Variants in SPTLC1 observed in about 807,000 individuals in gnomAD.
SPTLC1 encodes serine palmitoyltransferase 1.
Under a neutral mutation model 68.9 loss-of-function variants are expected in SPTLC1, and 55 were observed. The observed-to-expected ratio is 0.80, with a 90% CI of 0.64 to 1.00. The LOEUF (loss-of-function observed/expected upper bound fraction) is 1.00, where lower values mean the gene tolerates loss of function less well. Among genes scored for constraint, SPTLC1 ranks in the 50% least tolerant of loss-of-function variants. The pLI, the probability that SPTLC1 is intolerant of heterozygous loss-of-function variation, is 0.00. For synonymous variants in SPTLC1, 197 were observed against 201.6 expected, an observed-to-expected ratio of 0.98 and a Z score of 0.19; for missense variants, 449 against 573.1, an observed-to-expected ratio of 0.78 and a Z score of 2.21.
chr9:92,054,916 AG>A (rs200258602), intron 8 of SPTLC1, among the ~76,000 whole-genome samples: 9,909 of 150,026 alleles, frequency 0.066, 393 homozygotes, highest in Middle Eastern at 0.099. Context: ...CTTGCGGGGG[AG>A]AAAAAAAAAG....
intron 5 of SPTLC1, among the ~76,000 whole-genome samples, chr9:92,072,222 G>A (rs1013843320): frequency 6.6e-6 from 1 of 152,074 alleles, no homozygotes; most frequent in East Asian, 1.9e-4. Flanking sequence ...GACTTCCCTC[G>A]ACCTCAGGAC....
chr9:92,043,425 T>C (rs1833414360), intron 12 of SPTLC1, among the ~76,000 whole-genome samples: 1 of 152,206 alleles, frequency 6.6e-6, no homozygotes, highest in South Asian at 2.1e-4. Context: ...GACTTGTATA[T>C]CCAGCTGCTG....
At chr9:92,035,132 G>C (rs908337374) in intron 13 of SPTLC1, among the ~76,000 whole-genome samples, 1 of 152,212 alleles carries the variant, frequency 6.6e-6, no homozygotes, top group Admixed American at 6.5e-5. Context: ...CTGAGCACAC[G>C]GAGATATGGC....
intron 3 of SPTLC1, chr9:92,105,485 A>T (rs1410145006): frequency 1.2e-6 from 1 of 832,960 alleles, no homozygotes; most frequent in Non-Finnish European, 1.8e-6. Context: ...CGGGTGGATC[A>T]GGAGGTCAAG....
intron 3 of SPTLC1, 95 bp downstream of exon 3, chr9:92,108,645 A>C (rs771439048): frequency 1.9e-6 from 3 of 1,567,524 alleles, no homozygotes; most frequent in Non-Finnish European, 2.6e-6. Flanking sequence ...GTTTTGTTTC[A>C]GATAAAAAAA....
intron 7 of SPTLC1, among the ~76,000 whole-genome samples, chr9:92,057,107 C>A (rs1470408157): frequency 6.6e-6 from 1 of 152,188 alleles, no homozygotes; most frequent in East Asian, 1.9e-4. Flanking sequence ...ATATAAATTA[C>A]TTTGTTCAGA....
intron 3 of SPTLC1, among the ~76,000 whole-genome samples, chr9:92,096,894 A>G (rs192195214): frequency 0.013 from 1,922 of 151,394 alleles, 24 homozygotes; most frequent in Middle Eastern, 0.027. Context: ...AAAATCCCAC[A>G]GAATGAAAAA....
intron 7 of SPTLC1, among the ~76,000 whole-genome samples, chr9:92,058,919 C>T (rs1007344548): frequency 1.3e-5 from 2 of 152,186 alleles, no homozygotes; most frequent in East Asian, 1.9e-4. Flanking sequence ...TAAGCACATG[C>T]TGTTTTTCAG....
In SPTLC1 at chr9:92,072,607, CAA is replaced by C. The variant is rs574885708; in HGVS notation, c.428-4511_428-4510del. On this transcript the variant is annotated intron_variant, in intron 5 of 14. Coordinates refer to ENST00000262554, the MANE Select transcript of SPTLC1 (RefSeq NM_006415.4). ...CATCTTCCCCACTGGCTTCTGTCCTCAAAAACCTCAAACCTCTTAGCTTTCAC... is the reference window on the plus strand; with the variant it reads ...CATCTTCCCCACTGGCTTCTGTCCTCAAACCTCAAACCTCTTAGCTTTCAC... Among the ~76,000 whole-genome samples the C allele has an allele frequency of 1.3e-3, 193 of 152,242 alleles. 1 individual carries two copies. Among genetic ancestry groups the C allele is most frequent in the Non-Finnish European group, 5.3e-4 (36 of 68,010 alleles).
At position 92,047,711 on chromosome 9, in the gene SPTLC1, G is replaced by A. The variant is rs1833569456; in HGVS notation, c.889-3C>T. On this transcript the variant is annotated splice_polypyrimidine_tract_variant and splice_region_variant and intron_variant, in intron 9 of 14. Transcript: ENST00000262554. ...CTGATAAGATCAATATCATCAATCT[G>A]CCGGAAAAGGAGGAGTGACAGTTAT... 1.2e-6 allele frequency: 2 copies of A among 1,603,138 alleles called. No homozygotes were observed. The highest frequency in any genetic ancestry group is 8.5e-7 in the Non-Finnish European group (1 of 1,171,224).
intron 6 of SPTLC1, among the ~76,000 whole-genome samples, chr9:92,061,568 C>T (rs1432224740): frequency 2.0e-5 from 3 of 152,136 alleles, no homozygotes; most frequent in Non-Finnish European, 4.4e-5. Context: ...GAGGAAGGAG[C>T]ACAGTAAGTA....
intron 3 of SPTLC1, among the ~76,000 whole-genome samples, chr9:92,102,983 G>A (rs141807564): frequency 0.051 from 7,769 of 152,208 alleles, 256 homozygotes; most frequent in Middle Eastern, 0.065. Context: ...ATAGTTGACC[G>A]AGCTGGCATG....
intron 3 of SPTLC1, chr9:92,104,430 G>T: frequency 7.2e-7 from 1 of 1,381,566 alleles, no homozygotes; most frequent in Non-Finnish European, 9.6e-7. Context: ...CCCCTGTGAG[G>T]CTGTGTCTTA....
intron 8 of SPTLC1, chr9:92,050,956 G>A: frequency 1.0e-6 from 1 of 983,398 alleles, no homozygotes; most frequent in Non-Finnish European, 1.2e-6. Context: ...GGGATTAAAG[G>A]TGTGAGCCAC....
chr9:92,053,807 C>T lies in SPTLC1; in HGVS notation c.780+1598G>A, dbSNP rs183125683. 79 of 285,958 alleles carry T rather than the reference C, an allele frequency of 2.8e-4. 1 individual carries two copies. The highest frequency in any genetic ancestry group is 1.6e-3 in the African/African-American group (69 of 43,778). The allele number at this position is 285,958 out of a possible 1,614,324, so 17.7% of individuals were successfully genotyped here. A position where few individuals can be genotyped will look rare whatever the true frequency, so the allele number is the denominator to read the frequency against. ...TGTTTAATGGGTTTGAGGTCTTCTT[C>T]GTGAGTCATGAAAAGGTTTTTGACC... is the stretch of plus-strand genomic sequence containing the variant. On this transcript the variant is annotated intron_variant, in intron 8 of 14. Coordinates refer to ENST00000262554, the MANE Select transcript of SPTLC1 (RefSeq NM_006415.4).
chr9:92,080,359 G>C (rs919074971), intron 4 of SPTLC1, among the ~76,000 whole-genome samples: 3 of 152,154 alleles, frequency 2.0e-5, no homozygotes, highest in African/African-American at 7.2e-5. Flanking sequence ...ATAGGAGAGA[G>C]AGCAATTTCC....
chr9:92,079,205 AG>A (rs1287930989), intron 5 of SPTLC1: 1 of 373,046 alleles, frequency 2.7e-6, no homozygotes, highest in African/African-American at 2.1e-5. Flanking sequence ...CCTCCCACGT[AG>A]CTGGGATTAC....
intron 3 of SPTLC1, among the ~76,000 whole-genome samples, chr9:92,082,774 CA>C (rs1834937654): frequency 6.6e-6 from 1 of 151,504 alleles, no homozygotes; most frequent in African/African-American, 2.4e-5. Context: ...ATGGCTGGGT[CA>C]AATGGTATTT....
chr9:92,068,092 T>A lies in SPTLC1; in HGVS notation c.434A>T (p.His145Leu). The A allele has an allele frequency of 6.2e-7, 1 of 1,613,854 alleles. No homozygotes were observed. Among genetic ancestry groups the A allele is most frequent in the Non-Finnish European group, 8.5e-7 (1 of 1,179,902 alleles). The change falls in exon 6 of 15, where the codon CAT becomes CTT. Residue 145 changes from histidine to leucine, a missense_variant. Physicochemically the swap from His to Leu is moderately conservative, Grantham distance 99. Coordinates refer to ENST00000262554, the MANE Select transcript of SPTLC1 (RefSeq NM_006415.4). ...PRGFYGTFDV[H>L]LDLEDRLAKF... is the part of the protein sequence containing the mutation. ...TGCCAGGCGGTCTTCCAAATCCAAATGAACATCTATTTCAGTTAAAAAAGT... is the reference window on the plus strand; with the variant it reads ...TGCCAGGCGGTCTTCCAAATCCAAAAGAACATCTATTTCAGTTAAAAAAGT...
Sources: gnomAD v4.1 joint callset for allele counts (sites outside exome capture counted in the v4.1 genomes callset) on GRCh38, gnomAD v4.1.1 for gene constraint, MANE v1.5 for transcripts, NCBI Gene and HGNC (gene_info 2026-07-23, HGNC 2026-07-21) for gene names.